The following XK variants were observed in gnomAD, a reference collection of about 807,000 sequenced individuals.
XK encodes the protein X-linked Kx blood group antigen, Kell and VPS13A binding protein.
A neutral mutation model predicts 14.0 loss-of-function variants in XK; 2 were observed. That is an observed-to-expected ratio of 0.14 (90% confidence interval 0.06 to 0.45). XK has a LOEUF of 0.45. Ranked by LOEUF, XK falls within the 20% of genes least tolerant of loss-of-function variation. XK has a pLI of 0.98. For missense variants in XK, 235 were observed against 341.5 expected, an observed-to-expected ratio of 0.69 and a Z score of 2.46; for synonymous variants, 149 against 147.5, an observed-to-expected ratio of 1.01 and a Z score of -0.08.
chrX:37,719,191 A>C (rs1296676606), intron 2 of XK, among the ~76,000 whole-genome samples: 1 of 111,304 alleles, frequency 9.0e-6, no homozygotes, highest in Middle Eastern at 4.2e-3. Flanking sequence ...GTCCTCTGTC[A>C]TTATTGTTAC....
intron 2 of XK, among the ~76,000 whole-genome samples, chrX:37,701,033 A>G (rs1927405157): frequency 8.9e-6 from 1 of 112,256 alleles, no homozygotes; most frequent in Non-Finnish European, 1.9e-5. Flanking sequence ...ACTATGACAC[A>G]TTGTTTGGAA....
intron 2 of XK, among the ~76,000 whole-genome samples, chrX:37,705,465 ATAACT>A (rs1292124840): frequency 4.4e-4 from 48 of 109,736 alleles, no homozygotes; most frequent in East Asian, 2.8e-3. Context: ...AAAAAAAAAA[ATAACT>A]TAAAAGAGAA....
chrX:37,721,908 C>T (rs1927881339), intron 2 of XK, among the ~76,000 whole-genome samples: 2 of 110,908 alleles, frequency 1.8e-5, no homozygotes, highest in Admixed American at 1.9e-4. Flanking sequence ...ATGGATGAAC[C>T]TTAGAAACCT....
At chrX:37,698,288 A>C (rs1286306739) in intron 2 of XK, among the ~76,000 whole-genome samples, 10 of 110,964 alleles carry the variant, frequency 9.0e-5, no homozygotes, top group Non-Finnish European at 9.4e-5. Context: ...GAGGTAGATA[A>C]TATTATCTCC....
At chrX:37,708,401 G>A (rs1219668431) in intron 2 of XK, among the ~76,000 whole-genome samples, 1 of 111,662 alleles carries the variant, frequency 9.0e-6, no homozygotes, top group African/African-American at 3.3e-5. Context: ...GCAAGAAAAT[G>A]GATTCTCTCC....
chrX:37,707,991 G>A (rs1417097082), intron 2 of XK, among the ~76,000 whole-genome samples: 3 of 112,880 alleles, frequency 2.7e-5, no homozygotes, highest in African/African-American at 3.2e-5. Context: ...ATCACTCGCA[G>A]TTAGGAGCTG....
chrX:37,693,299 G>A (rs1182283083), intron 1 of XK, among the ~76,000 whole-genome samples: 1 of 111,257 alleles, frequency 9.0e-6, no homozygotes, highest in Non-Finnish European at 1.9e-5. Flanking sequence ...ACAAACCTAC[G>A]GCCATGAATA....
intron 2 of XK, among the ~76,000 whole-genome samples, chrX:37,707,309 G>C (rs1361491536): frequency 9.4e-6 from 1 of 106,883 alleles, no homozygotes; most frequent in Non-Finnish European, 1.9e-5. Context: ...GGCGGGGGCT[G>C]ACCCCCACCT....
intron 2 of XK, among the ~76,000 whole-genome samples, chrX:37,715,595 A>T (rs1042566500): frequency 8.9e-6 from 1 of 111,735 alleles, no homozygotes; most frequent in Admixed American, 9.5e-5. Flanking sequence ...CATATTGCAA[A>T]TCCAAGAAAG....
In XK at chrX:37,729,308, T is replaced by A. The variant is rs185326501; in HGVS notation, c.*846T>A. On this transcript the variant is annotated 3_prime_UTR_variant, in exon 3 of 3. Coordinates refer to ENST00000378616, the MANE Select transcript of XK (RefSeq NM_021083.4). ...GACCATTTTAGAAGAGTTACCTTGG[T>A]TAACTTAAGGGTTTTTTAGAAAACC... 5.4e-5 allele frequency: 6 copies of A among 111,788 alleles called. No homozygotes were observed. In the East Asian group the frequency reaches 1.7e-3, roughly 31 times the overall value. 9.2% of individuals were successfully genotyped at this position (111,788 alleles called of 1,213,427 possible).
chrX:37,695,486 G>A (rs782178934), intron 2 of XK, among the ~76,000 whole-genome samples: 5 of 109,853 alleles, frequency 4.6e-5, no homozygotes, highest in Non-Finnish European at 9.5e-5. Flanking sequence ...TTAATGAAAA[G>A]CCTACAAATG....
At chrX:37,695,417 A>T (rs1206893433) in intron 2 of XK, among the ~76,000 whole-genome samples, 1 of 109,919 alleles carries the variant, frequency 9.1e-6, no homozygotes, top group Non-Finnish European at 1.9e-5. Context: ...TCATCAAATT[A>T]AGAGCAGATT....
Position 37,693,476 on chromosome X carries a change from C to CGTGTGTGTGTGTGTGTGTGTGTGTGT in XK, c.246-809_246-784dup, listed in dbSNP as rs781954179. ...TCACATATTTATCCATCTATCAATTCGTGTGTGTGTGTGTGTGTGTGTGTG... is the reference window on the plus strand; with the variant it reads ...TCACATATTTATCCATCTATCAATTCGTGTGTGTGTGTGTGTGTGTGTGTGTGTGTGTGTGTGTGTGTGTGTGTGTG... On this transcript the variant is annotated intron_variant, in intron 1 of 2. Coordinates refer to ENST00000378616, the MANE Select transcript of XK (RefSeq NM_021083.4). 5.2e-5 allele frequency among the ~76,000 whole-genome samples: 5 copies of CGTGTGTGTGTGTGTGTGTGTGTGTGT among 95,960 alleles called. 1 individual carries two copies. The highest frequency in any genetic ancestry group is 8.3e-5 in the Non-Finnish European group (4 of 48,310). The allele number at this position is 95,960 out of a possible 115,157, so 83.3% of individuals were successfully genotyped here.
intron 2 of XK, among the ~76,000 whole-genome samples, chrX:37,694,936 T>C: frequency 8.9e-6 from 1 of 112,186 alleles, no homozygotes; most frequent in Non-Finnish European, 1.9e-5. Context: ...CCTTATAGCA[T>C]GGTAGCTGCT....
At chrX:37,706,603 C>T (rs1927530313) in intron 2 of XK, among the ~76,000 whole-genome samples, 1 of 105,719 alleles carries the variant, frequency 9.5e-6, no homozygotes, top group African/African-American at 3.5e-5. Flanking sequence ...GACAAATGTT[C>T]TTTTTTTTTA....
chrX:37,724,365 A>G (rs1308173322), intron 2 of XK, among the ~76,000 whole-genome samples: 2 of 111,392 alleles, frequency 1.8e-5, no homozygotes, highest in African/African-American at 6.5e-5. Flanking sequence ...GGAACAGAAT[A>G]GAGAGCCTAT....
intron 1 of XK, among the ~76,000 whole-genome samples, chrX:37,693,845 A>G (rs1927253690): frequency 8.9e-6 from 1 of 111,878 alleles, no homozygotes; most frequent in Non-Finnish European, 1.9e-5. Context: ...GTCACACTAT[A>G]TAATCACCAT....
At chrX:37,725,534 G>A (rs1556449833) in intron 2 of XK, among the ~76,000 whole-genome samples, 1 of 111,175 alleles carries the variant, frequency 9.0e-6, no homozygotes, top group African/African-American at 3.3e-5. Flanking sequence ...ACAGTTGGGA[G>A]GTTTCTTATA....
intron 2 of XK, among the ~76,000 whole-genome samples, chrX:37,710,246 A>G (rs1556446408): frequency 1.8e-5 from 2 of 111,830 alleles, no homozygotes; most frequent in Admixed American, 1.9e-4. Flanking sequence ...GAGGATTTCA[A>G]ATGAGAAGTC....
Sources: gnomAD v4.1 joint callset for allele counts (sites outside exome capture counted in the v4.1 genomes callset) on GRCh38, gnomAD v4.1.1 for gene constraint, MANE v1.5 for transcripts, NCBI Gene and HGNC (gene_info 2026-07-23, HGNC 2026-07-21) for gene names.